DOK5: variants seen among roughly 807,000 people sequenced by gnomAD.
DOK5 encodes docking protein 5, also known as downstream of tyrosine kinase 5.
Under a neutral mutation model 43.3 loss-of-function variants are expected in DOK5, and 27 were observed. That is an observed-to-expected ratio of 0.62 (90% CI 0.46 to 0.86). The LOEUF (loss-of-function observed/expected upper bound fraction) is 0.86. Ranked by LOEUF, DOK5 falls within the 40% of genes least tolerant of loss-of-function variation. The pLI is 0.00. For synonymous variants in DOK5, 146 were observed against 140.1 expected (o/e 1.04, Z -0.30); for missense variants, 373 against 392.9 (o/e 0.95, Z 0.43).
rs138338080 is a variant in DOK5, at chr20:54,475,997, G to A, written c.51G>A (p.Arg17=). 695 of 1,613,346 alleles carry A rather than the reference G, an allele frequency of 4.3e-4. 2 individuals carry two copies. The highest frequency in any genetic ancestry group is 1.4e-3 in the South Asian group (128 of 90,738). ...DIVKQGYVRI[R]SRRLGIYQRC... The stretch of plus-strand genomic sequence containing the variant: ...TGAAGCAAGGGTACGTGAGGATCCG[G>A]AGCAGACGCCTCGGGGTGAGTATCG... The change falls in exon 1 of 8, where the codon CGG becomes CGA. Residue 17 remains arginine, a synonymous_variant. Transcript: ENST00000262593. The surrounding 1 kb of genome is among the most constrained non-coding windows in gnomAD (Gnocchi z 4.2).
Position 54,595,327 on chromosome 20 carries a change from G to A in DOK5, c.599+3522G>A, listed in dbSNP as rs551685174. On this transcript the variant is annotated intron_variant, in intron 5 of 7. Coordinates refer to ENST00000262593, the MANE Select transcript of DOK5 (RefSeq NM_018431.5). ...TGCACTCCAGCCTGGGTGACACAGCGAGACTCCATTTAAAAAAAAAAAGTT... is the reference window on the plus strand; with the variant it reads ...TGCACTCCAGCCTGGGTGACACAGCAAGACTCCATTTAAAAAAAAAAAGTT... 1.6e-4 allele frequency among the ~76,000 whole-genome samples: 24 copies of A among 152,010 alleles called. No homozygotes were observed. The East Asian group carries it at 3.5e-3, about 22-fold the overall frequency.
intron 2 of DOK5, among the ~76,000 whole-genome samples, chr20:54,557,463 G>A (rs1378877559): frequency 1.3e-5 from 2 of 152,108 alleles, no homozygotes; most frequent in African/African-American, 2.4e-5. Flanking sequence ...CGGTGTAGCC[G>A]GGTTCCTAAT....
chr20:54,502,720 T>G (rs1982658492), intron 1 of DOK5, among the ~76,000 whole-genome samples: 1 of 152,192 alleles, frequency 6.6e-6, no homozygotes, highest in Non-Finnish European at 1.5e-5. Context: ...TTGTGTCACT[T>G]AATAAATTTC....
intron 1 of DOK5, among the ~76,000 whole-genome samples, chr20:54,528,663 C>T (rs1568768687): frequency 1.3e-5 from 2 of 152,192 alleles, no homozygotes; most frequent in Non-Finnish European, 2.9e-5. Context: ...AAAATACAGT[C>T]CCTCAGCTGG....
intron 5 of DOK5, among the ~76,000 whole-genome samples, chr20:54,596,392 CA>C (rs147724711): frequency 0.014 from 2,079 of 152,314 alleles, 45 homozygotes; most frequent in African/African-American, 0.048. Context: ...CTCTAGAACA[CA>C]GGGAATCTTT....
At chr20:54,598,004 G>A (rs556687393) in intron 5 of DOK5, among the ~76,000 whole-genome samples, 1 of 152,292 alleles carries the variant, frequency 6.6e-6, no homozygotes, top group African/African-American at 2.4e-5. Flanking sequence ...CTGCGCACTG[G>A]GGTATAAATG....
chr20:54,619,466 G>T (rs1986917390), intron 6 of DOK5, among the ~76,000 whole-genome samples: 1 of 152,166 alleles, frequency 6.6e-6, no homozygotes, highest in Admixed American at 6.5e-5. Flanking sequence ...TCCACGACTG[G>T]GCTTGTCATT....
At chr20:54,567,776 C>T (rs1216270923) in intron 2 of DOK5, among the ~76,000 whole-genome samples, 2 of 151,994 alleles carry the variant, frequency 1.3e-5, no homozygotes, top group Admixed American at 1.3e-4. Context: ...GTGGGAGAAC[C>T]GATATCTTTT....
intron 1 of DOK5, 28 bp downstream of exon 1, chr20:54,476,040 G>C (rs1981408135): frequency 1.2e-6 from 2 of 1,610,648 alleles, no homozygotes; most frequent in South Asian, 2.2e-5. Context: ...CCGTGTTGCT[G>C]TTCGCCGGTT....
intron 5 of DOK5, among the ~76,000 whole-genome samples, chr20:54,603,860 T>C (rs1568805456): frequency 6.6e-6 from 1 of 151,948 alleles, no homozygotes; most frequent in Non-Finnish European, 1.5e-5. Context: ...TGAAAGTACG[T>C]TTTCTTGTCA....
At chr20:54,558,581 A>G (rs1353381989) in intron 2 of DOK5, among the ~76,000 whole-genome samples, 1 of 152,180 alleles carries the variant, frequency 6.6e-6, no homozygotes, top group Non-Finnish European at 1.5e-5. Context: ...TAATTTATGA[A>G]TCTTGATAAT....
At position 54,614,498 on chromosome 20, in the gene DOK5, C is replaced by T. The variant is rs937611392; in HGVS notation, c.735+3975C>T. On this transcript the variant is annotated intron_variant, in intron 6 of 7. Transcript: ENST00000262593. Reference sequence around the variant, plus strand: ...GAAGTTTGTCTAAGATTGTCTTGTTCGTAGAGCCATCAATTAGCATAAATT... The same window carrying T: ...GAAGTTTGTCTAAGATTGTCTTGTTTGTAGAGCCATCAATTAGCATAAATT... 5.3e-5 allele frequency among the ~76,000 whole-genome samples: 8 copies of T among 152,144 alleles called. No individual in the cohort carries two copies. In the East Asian group the frequency reaches 7.7e-4, roughly 15 times the overall value.
intron 1 of DOK5, among the ~76,000 whole-genome samples, chr20:54,501,018 G>A (rs1982577225): frequency 6.6e-6 from 1 of 152,304 alleles, no homozygotes; most frequent in South Asian, 2.1e-4. Flanking sequence ...GTGACACTCA[G>A]GCTTGTAACT....
intron 1 of DOK5, among the ~76,000 whole-genome samples, chr20:54,531,197 G>A (rs1272957980): frequency 6.6e-6 from 1 of 152,188 alleles, no homozygotes; most frequent in African/African-American, 2.4e-5. Context: ...CTGAACGTTT[G>A]TTAGTGTCAC....
chr20:54,646,248 GTTTTTTTTTT>G (rs386394048), intron 7 of DOK5, among the ~76,000 whole-genome samples: 3 of 79,922 alleles, frequency 3.8e-5, no homozygotes, highest in African/African-American at 5.3e-5. Context: ...TGGTTATACT[GTTTTTTTTTT>G]TTTTTTTTTT....
chr20:54,578,341 C>A (rs1985522094), intron 2 of DOK5, among the ~76,000 whole-genome samples: 1 of 152,114 alleles, frequency 6.6e-6, no homozygotes, highest in Non-Finnish European at 1.5e-5. Context: ...GCCGTATAGA[C>A]ACTTCCGGTC....
At chr20:54,595,067 C>T (rs146148864) in intron 5 of DOK5, among the ~76,000 whole-genome samples, 1,812 of 152,080 alleles carry the variant, frequency 0.012, 19 homozygotes, top group Middle Eastern at 0.02. Flanking sequence ...AAGGGCTGGG[C>T]GTGGTGGCTC....
intron 2 of DOK5, among the ~76,000 whole-genome samples, chr20:54,558,114 A>G (rs1398035921): frequency 6.6e-6 from 1 of 152,246 alleles, no homozygotes; most frequent in Non-Finnish European, 1.5e-5. Flanking sequence ...TCTGTACTTG[A>G]GGCATCTGAA....
At chr20:54,606,758 G>C (rs933504757) in intron 5 of DOK5, among the ~76,000 whole-genome samples, 1 of 152,162 alleles carries the variant, frequency 6.6e-6, no homozygotes, top group Non-Finnish European at 1.5e-5. Context: ...GTATAGAAGA[G>C]ACCTGATGGA....
Sources: gnomAD v4.1 joint callset for allele counts (sites outside exome capture counted in the v4.1 genomes callset) on GRCh38, gnomAD v4.1.1 for gene constraint, Gnocchi (gnomAD v3.1) non-coding constraint, MANE v1.5 for transcripts, NCBI Gene and HGNC (gene_info 2026-07-23, HGNC 2026-07-21) for gene names.